Variants in MAPKAPK2 observed in about 807,000 individuals in gnomAD.
MAPKAPK2 encodes the protein MAPK activated protein kinase 2.
Under a neutral mutation model 48.8 loss-of-function variants are expected in MAPKAPK2, and 9 were observed. The ratio of observed to expected loss-of-function variants is 0.18; its 90% CI spans 0.11 to 0.32. The LOEUF (loss-of-function observed/expected upper bound fraction) is 0.32. Among genes scored for constraint, MAPKAPK2 ranks in the 10% least tolerant of loss-of-function variants. The pLI is 1.00. For missense variants in MAPKAPK2, 331 were observed against 498.3 expected (o/e 0.66, Z 3.20); for synonymous variants, 202 against 190.6 (o/e 1.06, Z -0.49).
At chr1:206,730,525 G>C (rs1673868156) in intron 5 of MAPKAPK2, among the ~76,000 whole-genome samples, 163 bp from the exon 6 acceptor site, 1 of 152,206 alleles carries the variant, frequency 6.6e-6, no homozygotes, top group Non-Finnish European at 1.5e-5. Context: ...AGGATGTTCT[G>C]TTCCAGTCCC....
At position 206,734,019 on chromosome 1, in the gene MAPKAPK2, T is replaced by C. The variant is rs41304109; in HGVS notation, c.*1301T>C. The C allele has an allele frequency of 6.5e-6, 1 of 152,694 alleles. No homozygotes were observed. Among genetic ancestry groups the C allele is most frequent in the Non-Finnish European group, 1.5e-5 (1 of 68,050 alleles). 9.5% of individuals were successfully genotyped at this position (152,694 alleles called of 1,614,324 possible). ...GGGGAGGGGCCTCCCCCAGCACAGATGAGGAGCAGCTGGGGTAGGCTGTCT... is the reference window on the plus strand; with the variant it reads ...GGGGAGGGGCCTCCCCCAGCACAGACGAGGAGCAGCTGGGGTAGGCTGTCT... On this transcript the variant is annotated 3_prime_UTR_variant, in exon 10 of 10. Transcript: ENST00000367103.
intron 1 of MAPKAPK2, among the ~76,000 whole-genome samples, chr1:206,717,059 CG>C (rs1673358111): frequency 6.6e-6 from 1 of 152,280 alleles, no homozygotes; most frequent in East Asian, 1.9e-4. Context: ...AGAGCAAAGA[CG>C]AGTCACTTAG....
At chr1:206,729,848 G>A in intron 4 of MAPKAPK2, 124 bp from the exon 5 acceptor site, 1 of 1,232,588 alleles carries the variant, frequency 8.1e-7, no homozygotes, top group Non-Finnish European at 1.1e-6. Flanking sequence ...GTGGTGGGCA[G>A]TGCCCAGGAT....
rs530867423 is a variant in MAPKAPK2 at position 206,711,244 on chromosome 1, TTTTG to T, written c.280-17446_280-17443del. ...AACTTGCTTTTTTCATGGAAGTTTTTTTTGTTTGTTTGTTTGTTTGTTTTTGAGA... is the reference window on the plus strand; with the variant it reads ...AACTTGCTTTTTTCATGGAAGTTTTTTTTGTTTGTTTGTTTGTTTTTGAGA... On this transcript the variant is annotated intron_variant, in intron 1 of 9. Coordinates refer to ENST00000367103, the MANE Select transcript of MAPKAPK2 (RefSeq NM_032960.4). Among the ~76,000 whole-genome samples the T allele has an allele frequency of 2.8e-4, 43 of 152,322 alleles. No individual in the cohort carries two copies. The South Asian group carries it at 5.8e-3, about 21-fold the overall frequency.
chr1:206,708,606 C>A (rs782218871), intron 1 of MAPKAPK2, among the ~76,000 whole-genome samples: 2 of 152,036 alleles, frequency 1.3e-5, no homozygotes, highest in Non-Finnish European at 2.9e-5. Flanking sequence ...TTTGTTCATG[C>A]ATTTTTTTGA....
intron 1 of MAPKAPK2, among the ~76,000 whole-genome samples, chr1:206,694,652 C>T (rs1283239695): frequency 2.6e-5 from 4 of 152,218 alleles, no homozygotes; most frequent in African/African-American, 9.7e-5. Flanking sequence ...TCATGCTTGG[C>T]TTCTGCAGAG....
At chr1:206,700,084 G>A (rs1672752669) in intron 1 of MAPKAPK2, among the ~76,000 whole-genome samples, 1 of 147,316 alleles carries the variant, frequency 6.8e-6, no homozygotes, top group Non-Finnish European at 1.5e-5. Flanking sequence ...TATCTGGTCT[G>A]TGATGGGTGG....
intron 1 of MAPKAPK2, among the ~76,000 whole-genome samples, chr1:206,717,487 G>A (rs1673372357): frequency 6.6e-6 from 1 of 152,196 alleles, no homozygotes; most frequent in Non-Finnish European, 1.5e-5. Context: ...TGTGTGCAGT[G>A]TTCATGTCCA....
In MAPKAPK2 at chr1:206,730,762, C is replaced by T; in HGVS notation, c.766C>T (p.Leu256=). Residue 256 remains leucine (L), a splice_region_variant and synonymous_variant, in exon 6 of 10, where the codon CTG becomes TTG. Coordinates refer to ENST00000367103, the MANE Select transcript of MAPKAPK2 (RefSeq NM_032960.4). ...MWSLGVIMYI[L]LCGYPPFYSN... ...GTCCCTGGGTGTCATCATGTACATCCTGTGAGTGTGCTGGGGAGGGGGCTG... is the reference window on the plus strand; with the variant it reads ...GTCCCTGGGTGTCATCATGTACATCTTGTGAGTGTGCTGGGGAGGGGGCTG... 1.2e-6 allele frequency: 1 copy of T among 850,230 alleles called. No individual in the cohort carries two copies. Among genetic ancestry groups the T allele is most frequent in the Non-Finnish European group, 1.8e-6 (1 of 548,456 alleles). 52.7% of individuals were successfully genotyped at this position (850,230 alleles called of 1,614,324 possible).
Position 206,711,595 on chromosome 1 carries a change from A to G in MAPKAPK2, c.280-17115A>G, listed in dbSNP as rs142602219. Among the ~76,000 whole-genome samples, 314 of 146,622 alleles carry G rather than the reference A, an allele frequency of 2.1e-3. 1 individual carries two copies. Among genetic ancestry groups the G allele is most frequent in the African/African-American group, 6.4e-3 (255 of 39,648 alleles). ...GAACTTTTGATTTCAGTATGTCTTAATCTACCTCATTCTTTTTTTTTTTTT... is the reference window on the plus strand; with the variant it reads ...GAACTTTTGATTTCAGTATGTCTTAGTCTACCTCATTCTTTTTTTTTTTTT... On this transcript the variant is annotated intron_variant, in intron 1 of 9. Transcript: ENST00000367103.
intron 1 of MAPKAPK2, among the ~76,000 whole-genome samples, chr1:206,699,026 T>G (rs1672715998): frequency 6.6e-6 from 1 of 152,240 alleles, no homozygotes; most frequent in South Asian, 2.1e-4. Flanking sequence ...CCAATATTTA[T>G]GGGATACTTA....
Position 206,731,933 on chromosome 1 carries a change from C to G in MAPKAPK2, c.1059+14C>G. On this transcript the variant is annotated intron_variant, in intron 9 of 9. Coordinates refer to ENST00000367103, the MANE Select transcript of MAPKAPK2 (RefSeq NM_032960.4). The surrounding 1 kb of genome is among the most constrained non-coding windows in gnomAD (Gnocchi z 5.9). The stretch of plus-strand genomic sequence containing the variant: ...GAGGATGTCAAGGTGAGGGGCACCA[C>G]TGGGTGAGAGGGGCTCCAGGTGGGG... 1 of 1,614,128 alleles carries G rather than the reference C, an allele frequency of 6.2e-7. No homozygotes were observed.
At chr1:206,729,324 C>T (rs2102414731) in intron 3 of MAPKAPK2, 72 bp from the exon 4 acceptor site, 1 of 1,322,860 alleles carries the variant, frequency 7.6e-7, no homozygotes, top group East Asian at 2.3e-5. Context: ...GGACCCGGTG[C>T]ACTGGGTTTT....
At chr1:206,705,288 C>T (rs781845448) in intron 1 of MAPKAPK2, among the ~76,000 whole-genome samples, 1 of 152,184 alleles carries the variant, frequency 6.6e-6, no homozygotes, top group African/African-American at 2.4e-5. Context: ...CTATTGAAAT[C>T]AGCTCTGTCT....
chr1:206,731,168 C>T lies in MAPKAPK2; in HGVS notation c.798C>T (p.Asn266=). 1 of 1,614,218 alleles carries T rather than the reference C, an allele frequency of 6.2e-7. No individual in the cohort carries two copies. Among genetic ancestry groups the T allele is most frequent in the Non-Finnish European group, 8.5e-7 (1 of 1,180,042 alleles). ...GTGGGTATCCCCCCTTCTACTCCAA[C>T]CACGGCCTTGCCATCTCTCCGGGCA... ...LLCGYPPFYS[N]HGLAISPGMK... is the part of the protein sequence containing the mutation. The change falls in exon 7 of 10, where the codon AAC becomes AAT. Residue 266 remains asparagine (N), a synonymous_variant. Transcript: ENST00000367103. This position sits in a 1 kb window ranked among gnomAD's most constrained non-coding sequence, Gnocchi z 5.9.
chr1:206,716,401 A>G (rs527613074), intron 1 of MAPKAPK2, among the ~76,000 whole-genome samples: 11 of 152,228 alleles, frequency 7.2e-5, no homozygotes, highest in African/African-American at 2.2e-4. Flanking sequence ...TCACCATAAC[A>G]ATCATCTATC....
At chr1:206,709,102 A>G (rs868952992) in intron 1 of MAPKAPK2, among the ~76,000 whole-genome samples, 6 of 152,198 alleles carry the variant, frequency 3.9e-5, no homozygotes, top group African/African-American at 7.2e-5. Context: ...TCCTGGGTAA[A>G]CAACGAGGAG....
At chr1:206,712,366 A>G (rs1673184066) in intron 1 of MAPKAPK2, among the ~76,000 whole-genome samples, 1 of 152,218 alleles carries the variant, frequency 6.6e-6, no homozygotes, top group Admixed American at 6.5e-5. Context: ...CAGGGCCCAC[A>G]GCAGTTTAAT....
At chr1:206,690,025 G>T (rs928990278) in intron 1 of MAPKAPK2, among the ~76,000 whole-genome samples, 1 of 152,196 alleles carries the variant, frequency 6.6e-6, no homozygotes, top group Non-Finnish European at 1.5e-5. Flanking sequence ...GAGCAAGTCT[G>T]TGAGAGGTGT....
Sources: allele counts gnomAD v4.1 joint callset (sites outside exome capture counted in the v4.1 genomes callset), GRCh38; gene constraint gnomAD v4.1.1; non-coding constraint Gnocchi (gnomAD v3.1); transcripts MANE v1.5; gene names NCBI Gene and HGNC (gene_info 2026-07-23, HGNC 2026-07-21).